ACTN2: variants seen among roughly 807,000 people sequenced by gnomAD.
ACTN2 encodes the protein actinin alpha 2, also known as alpha-actinin-2.
In ACTN2, 39 loss-of-function variants were observed where a neutral mutation model predicts 113.8. That is an observed-to-expected ratio of 0.34 (90% CI 0.27 to 0.45). The LOEUF is 0.45. Ranked by LOEUF, ACTN2 falls within the 20% of genes least tolerant of loss-of-function variation. The pLI, the probability that ACTN2 is intolerant of heterozygous loss-of-function variation, is 1.00. For synonymous variants in ACTN2, 429 were observed against 444.1 expected (o/e 0.97, Z 0.43); for missense variants, 992 against 1,177.9 (o/e 0.84, Z 2.31).
At chr1:236,746,597 T>G (rs753383863) in intron 12 of ACTN2, among the ~76,000 whole-genome samples, 1 of 151,960 alleles carries the variant, frequency 6.6e-6, no homozygotes, top group Non-Finnish European at 1.5e-5. Context: ...TCCCAGCTAC[T>G]TGGGAGCCTA....
In ACTN2 at chr1:236,737,296, GGC is replaced by G. The variant is rs1491206477; in HGVS notation, c.876+83_876+84del. On this transcript the variant is annotated intron_variant, in intron 9 of 20. Coordinates refer to ENST00000366578, the MANE Select transcript of ACTN2 (RefSeq NM_001103.4). ...AGAGGGTGAAAAAATACTCCGTGGG[GGC>G]ATATATATATATATATATATTTTGC... 5.5e-4 allele frequency: 215 copies of G among 387,994 alleles called. 9 individuals carry two copies. Among genetic ancestry groups the G allele is most frequent in the Non-Finnish European group, 8.7e-4 (170 of 195,170 alleles). 24.0% of individuals were successfully genotyped at this position (387,994 alleles called of 1,614,324 possible).
chr1:236,694,196 C>T (rs1312902626), intron 1 of ACTN2, among the ~76,000 whole-genome samples: 1 of 151,494 alleles, frequency 6.6e-6, no homozygotes, highest in Non-Finnish European at 1.5e-5. Flanking sequence ...ACAGAGTCTG[C>T]ACTGACATTT....
chr1:236,723,627 G>A (rs1365428296), intron 4 of ACTN2, among the ~76,000 whole-genome samples: 7 of 151,956 alleles, frequency 4.6e-5, no homozygotes, highest in South Asian at 4.2e-4. Context: ...CACCGTGCCC[G>A]GCTAATTTTT....
chr1:236,713,539 A>G (rs1205510385), intron 1 of ACTN2, among the ~76,000 whole-genome samples: 1 of 152,010 alleles, frequency 6.6e-6, no homozygotes, highest in Non-Finnish European at 1.5e-5. Flanking sequence ...GTATAGAACA[A>G]TGTATATCCT....
chr1:236,745,518 C>T (rs1190074739), intron 12 of ACTN2, among the ~76,000 whole-genome samples: 1 of 152,246 alleles, frequency 6.6e-6, no homozygotes, highest in Non-Finnish European at 1.5e-5. Context: ...CCCCACTTTG[C>T]TTTATCATCC....
At chr1:236,721,141 C>T (rs1432471177) in intron 4 of ACTN2, among the ~76,000 whole-genome samples, 2 of 149,950 alleles carry the variant, frequency 1.3e-5, no homozygotes, top group African/African-American at 2.5e-5. Flanking sequence ...CATTCTCCTG[C>T]CTCAGCCTCA....
chr1:236,722,459 A>C (rs1658424452), intron 4 of ACTN2, among the ~76,000 whole-genome samples: 1 of 151,988 alleles, frequency 6.6e-6, no homozygotes, highest in African/African-American at 2.4e-5. Context: ...ACATGGTGAA[A>C]TCCCGTCTCT....
At chr1:236,719,095 T>C (rs1012737816) in intron 3 of ACTN2, 82 bp downstream of exon 3, 1 of 1,579,848 alleles carries the variant, frequency 6.3e-7, no homozygotes, top group African/African-American at 1.3e-5. Flanking sequence ...TCTCCCCTTC[T>C]TCCCTCCCTT....
chr1:236,731,396 AT>A, intron 7 of ACTN2, 82 bp downstream of exon 7: 1 of 1,135,564 alleles, frequency 8.8e-7, no homozygotes, highest in Non-Finnish European at 1.3e-6. Context: ...ACCTTGCAAA[AT>A]TTTATAGCGA....
chr1:236,762,469 C>T lies in ACTN2; in HGVS notation c.2535C>T (p.Ile845=). The change falls in exon 21 of 21, where the codon ATC becomes ATT. Residue 845 remains isoleucine, a synonymous_variant. Transcript: ENST00000366578. The part of the protein sequence containing the change: ...FRILASDKPY[I]LAEELRRELP... ...TGTGTATTTTTTCCCAGCCATACAT[C>T]CTGGCGGAGGAGCTGCGTCGGGAGC... is the stretch of plus-strand genomic sequence containing the variant. 6.2e-7 allele frequency: 1 copy of T among 1,614,150 alleles called. No homozygotes were observed. Among genetic ancestry groups the T allele is most frequent in the Non-Finnish European group, 8.5e-7 (1 of 1,179,992 alleles).
chr1:236,732,026 C>T (rs1455869760), intron 7 of ACTN2, among the ~76,000 whole-genome samples: 1 of 152,168 alleles, frequency 6.6e-6, no homozygotes, highest in African/African-American at 2.4e-5. Flanking sequence ...CCTCAAGAAG[C>T]TTATATTCAT....
rs371143839 is a variant in ACTN2, at chr1:236,751,591, T to C, written c.1778T>C (p.Ile593Thr). ...GTGATTCAGAGCTACAACATCAGAATCAGCTCAAGCAACCCGTACAGCACT... is the reference window on the plus strand; with the variant it reads ...GTGATTCAGAGCTACAACATCAGAACCAGCTCAAGCAACCCGTACAGCACT... ...EKVIQSYNIRISSSNPYSTVT... is the reference protein window; with the variant it reads ...EKVIQSYNIRTSSSNPYSTVT... The change falls in exon 15 of 21, where the codon ATC becomes ACC. Residue 593 changes from isoleucine (I) to threonine (T), a missense_variant. By Grantham distance (89) the Ile-to-Thr change is moderately conservative. This residue lies in a region of ACTN2 where 736 missense variants were observed against 815.4 expected (regional missense o/e 0.90). Coordinates refer to ENST00000366578, the MANE Select transcript of ACTN2 (RefSeq NM_001103.4). The C allele has an allele frequency of 1.9e-6, 3 of 1,613,852 alleles. No homozygotes were observed. In the African/African-American group the frequency reaches 4.0e-5, roughly 22 times the overall value.
intron 4 of ACTN2, among the ~76,000 whole-genome samples, chr1:236,721,032 T>TTG (rs1558233474): frequency 1.9e-5 from 2 of 107,838 alleles, no homozygotes; most frequent in Non-Finnish European, 3.9e-5. Flanking sequence ...GTTTTTTTTT[T>TTG]TTTTTTTTTT....
At chr1:236,746,948 C>G (rs904270284) in intron 12 of ACTN2, among the ~76,000 whole-genome samples, 1 of 152,188 alleles carries the variant, frequency 6.6e-6, no homozygotes, top group Non-Finnish European at 1.5e-5. Flanking sequence ...ACCTGATACT[C>G]TACCCAGTGG....
At chr1:236,736,964 A>G (rs1018972906) in intron 8 of ACTN2, 158 bp from the exon 9 acceptor site, 1 of 667,162 alleles carries the variant, frequency 1.5e-6, no homozygotes, top group South Asian at 1.6e-5. Flanking sequence ...CATAGTACGC[A>G]TAAGCCATGC....
chr1:236,703,290 G>A lies in ACTN2; in HGVS notation c.127-14568G>A, dbSNP rs548506078. 5.3e-5 allele frequency among the ~76,000 whole-genome samples: 8 copies of A among 152,236 alleles called. No homozygotes were observed. The South Asian group carries it at 1.7e-3, about 32-fold the overall frequency. Reference sequence around the variant, plus strand: ...GAAAGTCCTCAAAGGAATTCTCCACGTAGTTTGTGCCAGCCTGGGGGAGGC... The same window carrying A: ...GAAAGTCCTCAAAGGAATTCTCCACATAGTTTGTGCCAGCCTGGGGGAGGC... On this transcript the variant is annotated intron_variant, in intron 1 of 20. Coordinates refer to ENST00000366578, the MANE Select transcript of ACTN2 (RefSeq NM_001103.4).
Position 236,735,618 on chromosome 1 carries a change from A to G in ACTN2, c.698-17A>G. Reference sequence around the variant, plus strand: ...TGTGTGTGTGCGCGCGTCCTGTGTTATTTTCTCCCCCTTCAGACATCGTGA... The same window carrying G: ...TGTGTGTGTGCGCGCGTCCTGTGTTGTTTTCTCCCCCTTCAGACATCGTGA... On this transcript the variant is annotated splice_polypyrimidine_tract_variant and intron_variant, in intron 7 of 20. Coordinates refer to ENST00000366578, the MANE Select transcript of ACTN2 (RefSeq NM_001103.4). 1 of 1,610,194 alleles carries G rather than the reference A, an allele frequency of 6.2e-7. No homozygotes were observed. The highest frequency in any genetic ancestry group is 1.1e-5 in the South Asian group (1 of 90,998).
intron 20 of ACTN2, among the ~76,000 whole-genome samples, chr1:236,761,810 A>G (rs1048502365): frequency 6.6e-6 from 1 of 152,220 alleles, no homozygotes; most frequent in Non-Finnish European, 1.5e-5. Context: ...GAACATTACC[A>G]CAAGGAGGTT....
chr1:236,732,227 A>G (rs1658729923), intron 7 of ACTN2, among the ~76,000 whole-genome samples: 1 of 152,122 alleles, frequency 6.6e-6, no homozygotes, highest in Admixed American at 6.5e-5. Context: ...CTCACACAGC[A>G]GAAATTTCAT....
Sources: gnomAD v4.1 joint callset for allele counts (sites outside exome capture counted in the v4.1 genomes callset) on GRCh38, gnomAD v4.1.1 for gene constraint, gnomAD v4.1.1 regional missense constraint, MANE v1.5 for transcripts, NCBI Gene and HGNC (gene_info 2026-07-23, HGNC 2026-07-21) for gene names.